The following PHC2 variants were observed in gnomAD, a reference collection of about 807,000 sequenced individuals.
PHC2 encodes polyhomeotic homolog 2.
In PHC2, 29 loss-of-function variants were observed where a neutral mutation model predicts 87.4. The observed-to-expected ratio is 0.33, with a 90% CI of 0.25 to 0.45. The LOEUF is 0.45. PHC2 is among the 20% of genes least tolerant of loss of function. The probability of loss-of-function intolerance (pLI) is 1.00; values close to 1 mark genes in which losing one functional copy is unlikely to be tolerated. For synonymous variants in PHC2, 438 were observed against 461.7 expected, an observed-to-expected ratio of 0.95 and a Z score of 0.66; for missense variants, 857 against 1,136.7, an observed-to-expected ratio of 0.75 and a Z score of 3.54.
chr1:33,403,309 T>G (rs947615405), intron 1 of PHC2, among the ~76,000 whole-genome samples: 9 of 150,678 alleles, frequency 6.0e-5, no homozygotes, highest in Non-Finnish European at 1.2e-4. Context: ...GTATTTTTAG[T>G]AGAGACAGGG....
At chr1:33,333,487 T>C (rs1413506698) in intron 10 of PHC2, 3 of 156,942 alleles carry the variant, frequency 1.9e-5, no homozygotes, top group Non-Finnish European at 4.2e-5. Context: ...CTGGGTGCTT[T>C]GGTCAATAAC....
At chr1:33,405,457 C>T (rs531520233) in intron 1 of PHC2, among the ~76,000 whole-genome samples, 149 of 152,276 alleles carry the variant, frequency 9.8e-4, no homozygotes, top group Non-Finnish European at 1.2e-3. Flanking sequence ...TCCCAAAGCG[C>T]TGGGATTACA....
At chr1:33,377,535 TTCC>T (rs1301922336) in intron 1 of PHC2, among the ~76,000 whole-genome samples, 1 of 152,016 alleles carries the variant, frequency 6.6e-6, no homozygotes, top group African/African-American at 2.4e-5. Context: ...TGAGTTTAAG[TTCC>T]TCTTTTTTTC....
At chr1:33,340,891 T>C (rs893246086) in intron 9 of PHC2, among the ~76,000 whole-genome samples, 1 of 140,984 alleles carries the variant, frequency 7.1e-6, no homozygotes, top group Non-Finnish European at 1.5e-5. Flanking sequence ...GATAAACAGA[T>C]TGCTTTCCTC....
chr1:33,390,178 G>T (rs977332230), intron 1 of PHC2, among the ~76,000 whole-genome samples: 3 of 152,162 alleles, frequency 2.0e-5, no homozygotes, highest in East Asian at 1.9e-4. Flanking sequence ...AATTCGTGCA[G>T]CATCATCACT....
chr1:33,346,451 T>G, intron 9 of PHC2: 1 of 984,234 alleles, frequency 1.0e-6, no homozygotes, highest in Non-Finnish European at 1.2e-6. Context: ...TTCCCTACTC[T>G]CGTCTCCAGT....
chr1:33,410,059 C>A (rs1011337660), intron 1 of PHC2, among the ~76,000 whole-genome samples: 1 of 152,166 alleles, frequency 6.6e-6, no homozygotes, highest in Non-Finnish European at 1.5e-5. Flanking sequence ...ATTGCCTCTG[C>A]TGCTGAATTG....
At chr1:33,386,724 A>G (rs1027765033) in intron 1 of PHC2, among the ~76,000 whole-genome samples, 1 of 152,100 alleles carries the variant, frequency 6.6e-6, no homozygotes. Context: ...CACACAGTGC[A>G]TACACAGTGT....
intron 1 of PHC2, among the ~76,000 whole-genome samples, chr1:33,380,688 C>A (rs1039426810): frequency 6.6e-6 from 1 of 152,200 alleles, no homozygotes; most frequent in Non-Finnish European, 1.5e-5. Flanking sequence ...TATAACCTAG[C>A]AGTGAAATCT....
At chr1:33,372,083 G>T (rs534146416) in intron 3 of PHC2, among the ~76,000 whole-genome samples, 2 of 152,226 alleles carry the variant, frequency 1.3e-5, no homozygotes, top group African/African-American at 2.4e-5. Context: ...GCATTCCGCC[G>T]CTATAGTCAC....
intron 1 of PHC2, among the ~76,000 whole-genome samples, chr1:33,378,483 C>T (rs1448404306): frequency 6.6e-6 from 1 of 152,142 alleles, no homozygotes; most frequent in Non-Finnish European, 1.5e-5. Context: ...TCTTGCTTTT[C>T]ATTACACACT....
chr1:33,417,148 G>A (rs1307909507), intron 1 of PHC2, among the ~76,000 whole-genome samples: 1 of 151,630 alleles, frequency 6.6e-6, no homozygotes, highest in Non-Finnish European at 1.5e-5. Context: ...AAGCAATAAT[G>A]CAATAACAAG....
chr1:33,402,859 T>C (rs1230279348), intron 1 of PHC2, among the ~76,000 whole-genome samples: 5 of 152,138 alleles, frequency 3.3e-5, no homozygotes, highest in African/African-American at 1.2e-4. Context: ...GGATTCTTGC[T>C]CTGTGGCCCA....
rs140576683 is a variant in PHC2, at chr1:33,341,668, A to C, written c.1559-7376T>G. On this transcript the variant is annotated intron_variant, in intron 9 of 14. Coordinates refer to ENST00000683057, the MANE Select transcript of PHC2 (RefSeq NM_001385109.1). Reference sequence around the variant, plus strand: ...AATTCTAAAATGCAGTCAGTTGTTAAGATGACCCATTTCCCCCACAACGAA... The same window carrying C: ...AATTCTAAAATGCAGTCAGTTGTTACGATGACCCATTTCCCCCACAACGAA... Among the ~76,000 whole-genome samples the C allele has an allele frequency of 7.9e-5, 12 of 152,388 alleles. No individual in the cohort carries two copies. In the East Asian group the frequency reaches 2.3e-3, roughly 29 times the overall value.
At chr1:33,338,954 G>C (rs943279050) in intron 9 of PHC2, among the ~76,000 whole-genome samples, 62 of 152,198 alleles carry the variant, frequency 4.1e-4, no homozygotes, top group Admixed American at 3.7e-3. Context: ...AGAATGAACA[G>C]AGCAGCATGT....
chr1:33,345,530 C>T (rs1646829687), intron 9 of PHC2: 6 of 984,768 alleles, frequency 6.1e-6, no homozygotes, highest in Non-Finnish European at 7.2e-6. Flanking sequence ...TTGAAGTTTT[C>T]TATGCTGGTC....
chr1:33,341,295 G>A (rs1007497494), intron 9 of PHC2, among the ~76,000 whole-genome samples: 2 of 152,258 alleles, frequency 1.3e-5, no homozygotes, highest in Non-Finnish European at 2.9e-5. Flanking sequence ...ACTTTTCCGG[G>A]TGGGCCACAC....
chr1:33,393,406 A>C (rs952895425), intron 1 of PHC2, among the ~76,000 whole-genome samples: 2 of 151,774 alleles, frequency 1.3e-5, no homozygotes, highest in Admixed American at 6.6e-5. Context: ...ATCCTCATTT[A>C]AATGGTTGAA....
At chr1:33,414,177 TCACACACACACACACACACACACACA>T (rs201845759) in intron 1 of PHC2, among the ~76,000 whole-genome samples, 1 of 142,754 alleles carries the variant, frequency 7.0e-6, no homozygotes, top group Non-Finnish European at 1.5e-5. Context: ...TCTCTCTCTG[TCACACACACACACACACACACACACA>T]CACACACACA....
Sources: allele counts gnomAD v4.1 joint callset (sites outside exome capture counted in the v4.1 genomes callset), GRCh38; gene constraint gnomAD v4.1.1; transcripts MANE v1.5; gene names NCBI Gene and HGNC (gene_info 2026-07-23, HGNC 2026-07-21).